Variants in DNAJC3 observed in about 807,000 individuals in gnomAD.
DNAJC3 encodes the protein dnaJ homolog subfamily C member 3.
DNAJC3 carries 38 observed loss-of-function variants against 68.6 expected under a neutral mutation model. The observed-to-expected ratio is 0.55, with a 90% confidence interval of 0.43 to 0.73. DNAJC3 has a LOEUF of 0.73. Ranked by LOEUF, DNAJC3 falls within the 30% of genes least tolerant of loss-of-function variation. DNAJC3 has a pLI of 0.00. For synonymous variants in DNAJC3, 203 were observed against 204.0 expected, an observed-to-expected ratio of 1.00 and a Z score of 0.04; for missense variants, 526 against 591.9, an observed-to-expected ratio of 0.89 and a Z score of 1.16.
intron 4 of DNAJC3, 104 bp from the exon 5 acceptor site, chr13:95,757,540 T>C: frequency 1.7e-6 from 2 of 1,198,154 alleles, no homozygotes; most frequent in Non-Finnish European, 2.2e-6. Context: ...TTACCCTTTT[T>C]ACCCAATGAA....
chr13:95,706,244 A>G (rs189366860), intron 1 of DNAJC3, among the ~76,000 whole-genome samples: 20 of 152,344 alleles, frequency 1.3e-4, no homozygotes, highest in East Asian at 5.8e-4. Flanking sequence ...TTCTGCTGCT[A>G]TAGTGTGAAA....
rs1883526110 is a variant in DNAJC3, at chr13:95,784,057, T to C, written c.1076-1882T>C. 1.3e-5 allele frequency among the ~76,000 whole-genome samples: 2 copies of C among 152,242 alleles called. 1 individual carries two copies. Among genetic ancestry groups the C allele is most frequent in the South Asian group, 4.1e-4 (2 of 4,834 alleles). ...CCCTTTGCATTTGGCTGTCTCAGTC[T>C]TAGGCCAATATCTTTCTCATTTTAA... is the stretch of plus-strand genomic sequence containing the variant. On this transcript the variant is annotated intron_variant, in intron 9 of 11. Coordinates refer to ENST00000602402, the MANE Select transcript of DNAJC3 (RefSeq NM_006260.5).
chr13:95,792,729 A>C lies in DNAJC3; in HGVS notation c.*1699A>C, dbSNP rs980149086. 1.3e-5 allele frequency: 2 copies of C among 152,206 alleles called. No homozygotes were observed. Among genetic ancestry groups the C allele is most frequent in the Non-Finnish European group, 2.9e-5 (2 of 68,024 alleles). 9.4% of individuals were successfully genotyped at this position (152,206 alleles called of 1,614,324 possible). A position where few individuals can be genotyped will look rare whatever the true frequency, so the allele number is the denominator to read the frequency against. On this transcript the variant is annotated 3_prime_UTR_variant, in exon 12 of 12. Transcript: ENST00000602402. Reference sequence around the variant, plus strand: ...ACCTTACAGCTTTCATTTTGCTTTAATGTTTCAATTCAAGCCGGTGTAAAA... The same window carrying C: ...ACCTTACAGCTTTCATTTTGCTTTACTGTTTCAATTCAAGCCGGTGTAAAA...
At chr13:95,743,540 C>G (rs961048335) in intron 4 of DNAJC3, among the ~76,000 whole-genome samples, 1 of 152,196 alleles carries the variant, frequency 6.6e-6, no homozygotes, top group Non-Finnish European at 1.5e-5. Context: ...GAGACAGCCT[C>G]AGGCCACTGG....
At chr13:95,706,125 T>A (rs927236301) in intron 1 of DNAJC3, among the ~76,000 whole-genome samples, 15 of 152,246 alleles carry the variant, frequency 9.9e-5, no homozygotes, top group Admixed American at 9.2e-4. Context: ...AGTTAACACA[T>A]TAAATGTGGG....
intron 6 of DNAJC3, 54 bp downstream of exon 6, chr13:95,760,275 T>C: frequency 7.2e-7 from 1 of 1,384,940 alleles, no homozygotes; most frequent in South Asian, 1.9e-5. Context: ...GCAGTAAGAT[T>C]ACCTCATCTT....
rs1402769721 is a variant in DNAJC3, at chr13:95,740,339, C to A, written c.393+15087C>A. Among the ~76,000 whole-genome samples the A allele has an allele frequency of 2.5e-3, 383 of 151,612 alleles. 1 individual carries two copies. Among genetic ancestry groups the A allele is most frequent in the Admixed American group, 5.8e-3 (88 of 15,220 alleles). On this transcript the variant is annotated intron_variant, in intron 4 of 11. Transcript: ENST00000602402. ...CTCCTTGAGCTGTGGTGGGCTCCACCCAGTTGGAGCTTCCCGGCTGCTTTG... is the reference window on the plus strand; with the variant it reads ...CTCCTTGAGCTGTGGTGGGCTCCACACAGTTGGAGCTTCCCGGCTGCTTTG...
chr13:95,705,297 T>A (rs1001590520), intron 1 of DNAJC3, among the ~76,000 whole-genome samples: 2 of 152,146 alleles, frequency 1.3e-5, no homozygotes, highest in East Asian at 3.9e-4. Context: ...ACCTGATTAT[T>A]AAGAGCCTCT....
At chr13:95,780,784 G>A (rs539550687) in intron 9 of DNAJC3, among the ~76,000 whole-genome samples, 14 of 152,272 alleles carry the variant, frequency 9.2e-5, no homozygotes, top group African/African-American at 3.4e-4. Context: ...AGGGGAATAG[G>A]GTGGAAGCTG....
intron 4 of DNAJC3, among the ~76,000 whole-genome samples, chr13:95,746,594 TCTTATA>T (rs1464871953): frequency 6.6e-6 from 1 of 152,220 alleles, no homozygotes; most frequent in African/African-American, 2.4e-5. Context: ...ATTACAGGAT[TCTTATA>T]CTTTAATTTT....
chr13:95,690,162 T>C (rs1052924721), intron 1 of DNAJC3, among the ~76,000 whole-genome samples: 20 of 151,804 alleles, frequency 1.3e-4, no homozygotes, highest in African/African-American at 4.6e-4. Context: ...CCCTGGGTAC[T>C]TGAGATTAGG....
intron 1 of DNAJC3, among the ~76,000 whole-genome samples, chr13:95,698,741 G>A (rs1341305221): frequency 6.6e-6 from 1 of 152,194 alleles, no homozygotes; most frequent in Non-Finnish European, 1.5e-5. Context: ...GCAAGTGTGG[G>A]AGACCATTTT....
At chr13:95,677,613 C>G (rs1375881604) in intron 1 of DNAJC3, among the ~76,000 whole-genome samples, 1 of 152,232 alleles carries the variant, frequency 6.6e-6, no homozygotes, top group Non-Finnish European at 1.5e-5. Context: ...GGGCACCGGG[C>G]TACGACTTCA....
rs1427559312 is a variant in DNAJC3, at chr13:95,757,876, C to T, written c.546+80C>T. Reference sequence around the variant, plus strand: ...TTATATACTTCGACATGTCACATACCACAAAGACCTAGACAGGAGAAAATC... The same window carrying T: ...TTATATACTTCGACATGTCACATACTACAAAGACCTAGACAGGAGAAAATC... On this transcript the variant is annotated intron_variant, in intron 5 of 11. Coordinates refer to ENST00000602402, the MANE Select transcript of DNAJC3 (RefSeq NM_006260.5). 4 of 1,377,862 alleles carry T rather than the reference C, an allele frequency of 2.9e-6. No individual in the cohort carries two copies. The East Asian group carries it at 9.3e-5, about 32-fold the overall frequency. 85.4% of individuals were successfully genotyped at this position (1,377,862 alleles called of 1,614,324 possible). A position where few individuals can be genotyped will look rare whatever the true frequency, so the allele number is the denominator to read the frequency against.
At position 95,766,469 on chromosome 13, in the gene DNAJC3, G is replaced by GCC. The variant is rs111667663; in HGVS notation, c.1075+2516_1075+2517insCC. Among the ~76,000 whole-genome samples, 102 of 152,280 alleles carry GCC rather than the reference G, an allele frequency of 6.7e-4. 4 individuals are homozygous for GCC. The Middle Eastern group carries it at 0.01, about 15-fold the overall frequency. ...TGGCAAAGTTTCTTTGAATATAGGG[G>GCC]TAACTCAGGTGTCCTTATGAAATGA... is the stretch of plus-strand genomic sequence containing the variant. On this transcript the variant is annotated intron_variant, in intron 9 of 11. Transcript: ENST00000602402.
At chr13:95,760,617 T>A in intron 6 of DNAJC3, 62 bp from the exon 7 acceptor site, 1 of 1,546,086 alleles carries the variant, frequency 6.5e-7, no homozygotes, top group South Asian at 1.2e-5. Flanking sequence ...GTGATTTCTG[T>A]GGAAAACTAC....
Position 95,716,436 on chromosome 13 carries a change from C to T in DNAJC3, c.194-6806C>T, listed in dbSNP as rs552832148. On this transcript the variant is annotated intron_variant, in intron 2 of 11. Transcript: ENST00000602402. Reference sequence around the variant, plus strand: ...CTGCTTCAGCTACGCCATCTGCAGACGGCTTGTGTTAGTCAGCTCAGTAGA... The same window carrying T: ...CTGCTTCAGCTACGCCATCTGCAGATGGCTTGTGTTAGTCAGCTCAGTAGA... Among the ~76,000 whole-genome samples the T allele has an allele frequency of 4.1e-4, 62 of 152,266 alleles. 1 individual carries two copies. The South Asian group carries it at 9.7e-3, about 24-fold the overall frequency.
intron 1 of DNAJC3, among the ~76,000 whole-genome samples, chr13:95,705,641 C>T (rs561093021): frequency 2.0e-5 from 3 of 152,154 alleles, no homozygotes; most frequent in South Asian, 4.1e-4. Context: ...GATCCTTCCT[C>T]CTGCCTCAGC....
chr13:95,684,585 A>G (rs1018218730), intron 1 of DNAJC3, among the ~76,000 whole-genome samples: 1 of 152,246 alleles, frequency 6.6e-6, no homozygotes, highest in African/African-American at 2.4e-5. Context: ...ATGAATTTGC[A>G]TAAGTAAAGA....
Sources: allele counts gnomAD v4.1 joint callset (sites outside exome capture counted in the v4.1 genomes callset), GRCh38; gene constraint gnomAD v4.1.1; transcripts MANE v1.5; gene names NCBI Gene and HGNC (gene_info 2026-07-23, HGNC 2026-07-21).